The following FRAS1 variants were observed in gnomAD, a reference collection of about 807,000 sequenced individuals.
FRAS1 encodes Fraser extracellular matrix complex subunit 1.
Under a neutral mutation model 435.2 loss-of-function variants are expected in FRAS1, and 290 were observed. The observed-to-expected ratio is 0.67, with a 90% confidence interval of 0.61 to 0.73. The LOEUF is 0.73. Among genes scored for constraint, FRAS1 ranks in the 30% least tolerant of loss-of-function variants. The probability of loss-of-function intolerance (pLI) is 0.00; values close to 1 mark genes in which losing one functional copy is unlikely to be tolerated. For missense variants in FRAS1, 4,860 were observed against 5,001.5 expected, an observed-to-expected ratio of 0.97 and a Z score of 0.85; for synonymous variants, 1,800 against 1,851.0, an observed-to-expected ratio of 0.97 and a Z score of 0.71.
At chr4:78,367,675 GTCT>G (rs1731330255) in intron 22 of FRAS1, among the ~76,000 whole-genome samples, 1 of 151,870 alleles carries the variant, frequency 6.6e-6, no homozygotes, top group African/African-American at 2.4e-5. Context: ...ATCTAAGCAG[GTCT>G]TCTTCATCCT....
intron 3 of FRAS1, among the ~76,000 whole-genome samples, chr4:78,240,980 T>C (rs959180224): frequency 2.0e-5 from 3 of 152,120 alleles, no homozygotes. Context: ...GAGAACTTAA[T>C]ATGGCCCTTC....
chr4:78,455,621 T>C (rs1470055378), intron 47 of FRAS1, among the ~76,000 whole-genome samples: 3 of 152,196 alleles, frequency 2.0e-5, no homozygotes, highest in East Asian at 3.8e-4. Flanking sequence ...CTGATTATAA[T>C]TGATTGTCCT....
chr4:78,057,581 G>C lies in FRAS1; in HGVS notation c.-429G>C, dbSNP rs1033020171. ...TATGGTGCCAAGCGAACTTTAAAAA[G>C]CTGCTTCGGACAAACCAGAGCCAGG... On this transcript the variant is annotated 5_prime_UTR_variant, in exon 1 of 74. Transcript: ENST00000512123. The surrounding 1 kb of genome is among the most constrained non-coding windows in gnomAD (Gnocchi z 4.2). 17 of 173,290 alleles carry C rather than the reference G, an allele frequency of 9.8e-5. No homozygotes were observed. The highest frequency in any genetic ancestry group is 1.3e-4 in the Non-Finnish European group (11 of 82,438). The allele number at this position is 173,290 out of a possible 1,614,324, so 10.7% of individuals were successfully genotyped here.
At chr4:78,381,684 T>C (rs1391707021) in intron 27 of FRAS1, among the ~76,000 whole-genome samples, 1 of 152,210 alleles carries the variant, frequency 6.6e-6, no homozygotes, top group Non-Finnish European at 1.5e-5. Context: ...ATGAAAAGCG[T>C]AAAGCTTCGT....
chr4:78,212,340 G>A (rs764913379), intron 2 of FRAS1, among the ~76,000 whole-genome samples: 1 of 152,048 alleles, frequency 6.6e-6, no homozygotes, highest in Non-Finnish European at 1.5e-5. Context: ...TAGGCCTGAG[G>A]GTAGTAGTGC....
intron 3 of FRAS1, among the ~76,000 whole-genome samples, chr4:78,237,895 A>G (rs1382578920): frequency 6.6e-6 from 1 of 152,190 alleles, no homozygotes; most frequent in Non-Finnish European, 1.5e-5. Context: ...CCCATTTAAT[A>G]TTATGTGGGT....
At chr4:78,379,643 G>C in intron 26 of FRAS1, 83 bp from the exon 27 acceptor site, 1 of 1,402,208 alleles carries the variant, frequency 7.1e-7, no homozygotes, top group Non-Finnish European at 9.8e-7. Flanking sequence ...GAGGTGGTCT[G>C]AAAAAATAAA....
intron 20 of FRAS1, among the ~76,000 whole-genome samples, chr4:78,345,383 G>A (rs1052513672): frequency 8.5e-5 from 13 of 152,116 alleles, no homozygotes; most frequent in Admixed American, 4.6e-4. Context: ...ACTTGAATCA[G>A]CTGTCCTCAT....
intron 14 of FRAS1, among the ~76,000 whole-genome samples, chr4:78,304,250 T>C (rs979696864): frequency 6.6e-5 from 10 of 152,156 alleles, no homozygotes; most frequent in African/African-American, 9.7e-5. Flanking sequence ...CTGCTGGATT[T>C]GGTTTGCCAG....
At position 78,446,905 on chromosome 4, in the gene FRAS1, G is replaced by C. The variant is rs115926571; in HGVS notation, c.6010+25G>C. ...GGTAGGGCACGAACTGCTATGAAAA[G>C]CTTCTTAATTGAGATGCCCGATGGG... On this transcript the variant is annotated intron_variant, in intron 43 of 73. Transcript: ENST00000512123. 3.5e-3 allele frequency: 5,581 copies of C among 1,585,990 alleles called. 13 individuals carry two copies. The highest frequency in any genetic ancestry group is 4.4e-3 in the Non-Finnish European group (5,185 of 1,166,184).
chr4:78,472,523 A>G lies in FRAS1; in HGVS notation c.7522+193A>G, dbSNP rs141675507. On this transcript the variant is annotated intron_variant, in intron 52 of 73. Transcript: ENST00000512123. ...ATTTTTTTCCCTGTGATGATGAACT[A>G]TGGCAAAGAAAAATTCACCTTTACC... Among the ~76,000 whole-genome samples, 448 of 152,326 alleles carry G rather than the reference A, an allele frequency of 2.9e-3. 2 individuals carry two copies. The highest frequency in any genetic ancestry group is 0.01 in the African/African-American group (425 of 41,558).
At chr4:78,087,789 T>G (rs577105096) in intron 2 of FRAS1, among the ~76,000 whole-genome samples, 5,572 of 152,112 alleles carry the variant, frequency 0.037, 334 homozygotes, top group African/African-American at 0.13. Flanking sequence ...TACAAAGAAA[T>G]GGAAGAACAT....
chr4:78,493,800 T>TATA, intron 59 of FRAS1, among the ~76,000 whole-genome samples: 1 of 152,118 alleles, frequency 6.6e-6, no homozygotes, highest in South Asian at 2.1e-4. Context: ...GAACTTAAAG[T>TATA]ATAATAATAA....
At chr4:78,538,401 G>A (rs1285332476) in intron 72 of FRAS1, among the ~76,000 whole-genome samples, 1 of 152,048 alleles carries the variant, frequency 6.6e-6, no homozygotes, top group Non-Finnish European at 1.5e-5. Context: ...CCCACTTTTT[G>A]CATTTTGAGA....
chr4:78,245,841 A>C (rs1005819891), intron 4 of FRAS1, among the ~76,000 whole-genome samples: 1 of 152,138 alleles, frequency 6.6e-6, no homozygotes, highest in African/African-American at 2.4e-5. Context: ...TTGGCATTTT[A>C]AGCTTTGTTG....
chr4:78,089,181 A>G (rs973646627), intron 2 of FRAS1, among the ~76,000 whole-genome samples: 1 of 151,692 alleles, frequency 6.6e-6, no homozygotes, highest in African/African-American at 2.4e-5. Flanking sequence ...TCGCAAGGAC[A>G]AAAAACCAAA....
intron 47 of FRAS1, among the ~76,000 whole-genome samples, chr4:78,463,121 G>T (rs571342666): frequency 1.3e-5 from 2 of 152,112 alleles, no homozygotes; most frequent in Non-Finnish European, 2.9e-5. Context: ...TGTCATTTTC[G>T]TTTCAGTCTT....
chr4:78,220,369 G>T (rs1454794527), intron 2 of FRAS1, among the ~76,000 whole-genome samples: 1 of 152,146 alleles, frequency 6.6e-6, no homozygotes, highest in Non-Finnish European at 1.5e-5. Context: ...CCAAGTAAAG[G>T]TTTATTGGAA....
At chr4:78,342,864 G>T (rs1730447140) in intron 20 of FRAS1, among the ~76,000 whole-genome samples, 2 of 152,132 alleles carry the variant, frequency 1.3e-5, no homozygotes, top group South Asian at 4.1e-4. Flanking sequence ...TTTTTTTTGG[G>T]TAGTGAAAGT....
Sources: gnomAD v4.1 joint callset for allele counts (sites outside exome capture counted in the v4.1 genomes callset) on GRCh38, gnomAD v4.1.1 for gene constraint, Gnocchi (gnomAD v3.1) non-coding constraint, MANE v1.5 for transcripts, NCBI Gene and HGNC (gene_info 2026-07-23, HGNC 2026-07-21) for gene names.